The following RGS7 variants were observed in gnomAD, a reference collection of about 807,000 sequenced individuals.
The protein encoded by RGS7 is regulator of G-protein signaling 7.
Under a neutral mutation model 81.1 loss-of-function variants are expected in RGS7, and 27 were observed. The ratio of observed to expected loss-of-function variants is 0.33; its 90% CI spans 0.25 to 0.46. The LOEUF is 0.46. Among genes scored for constraint, RGS7 ranks in the 20% least tolerant of loss-of-function variants. The pLI, the probability that RGS7 is intolerant of heterozygous loss-of-function variation, is 1.00. For missense variants in RGS7, 396 were observed against 607.4 expected, an observed-to-expected ratio of 0.65 and a Z score of 3.66; for synonymous variants, 208 against 207.7, an observed-to-expected ratio of 1.00 and a Z score of -0.01.
chr1:240,792,661 A>T (rs1686211698), intron 18 of RGS7, among the ~76,000 whole-genome samples: 1 of 152,072 alleles, frequency 6.6e-6, no homozygotes, highest in Non-Finnish European at 1.5e-5. Flanking sequence ...AAGAGAAGCT[A>T]TCATGATTTA....
intron 2 of RGS7, among the ~76,000 whole-genome samples, chr1:241,287,213 A>G (rs555607300): frequency 6.6e-6 from 1 of 152,272 alleles, no homozygotes; most frequent in East Asian, 1.9e-4. Context: ...TCATCAGTAG[A>G]GTTTATGACA....
At chr1:241,147,545 C>A (rs2068399242) in intron 2 of RGS7, among the ~76,000 whole-genome samples, 2 of 151,572 alleles carry the variant, frequency 1.3e-5, no homozygotes, top group Admixed American at 1.3e-4. Flanking sequence ...ATAGTTTTTC[C>A]TTCTCCATAT....
chr1:241,202,557 T>C (rs192023629), intron 2 of RGS7, among the ~76,000 whole-genome samples: 24 of 152,208 alleles, frequency 1.6e-4, no homozygotes, highest in African/African-American at 5.3e-4. Context: ...TGAAACACGA[T>C]TGGGCAAAAA....
In RGS7 at chr1:241,150,504, G is replaced by A. The variant is rs554681125; in HGVS notation, c.79-51742C>T. 1.4e-4 allele frequency among the ~76,000 whole-genome samples: 21 copies of A among 152,288 alleles called. No individual in the cohort carries two copies. The South Asian group carries it at 4.4e-3, about 32-fold the overall frequency. ...ATATGTATATTAAGGGTTCAAAATG[G>A]TAGGATTAGAAATTAAAATAAGGCT... is the stretch of plus-strand genomic sequence containing the variant. On this transcript the variant is annotated intron_variant, in intron 2 of 18. Coordinates refer to ENST00000440928, the MANE Select transcript of RGS7 (RefSeq NM_001364886.1).
At chr1:240,990,795 A>G (rs1686342596) in intron 3 of RGS7, among the ~76,000 whole-genome samples, 6 of 152,230 alleles carry the variant, frequency 3.9e-5, no homozygotes, top group Admixed American at 3.9e-4. Context: ...ATCAAAACAG[A>G]TATGTTTCCT....
At chr1:241,267,398 C>T (rs1415369409) in intron 2 of RGS7, among the ~76,000 whole-genome samples, 2 of 152,202 alleles carry the variant, frequency 1.3e-5, no homozygotes, top group Non-Finnish European at 2.9e-5. Flanking sequence ...GAGCCCATTC[C>T]TATTTCCAGT....
intron 4 of RGS7, among the ~76,000 whole-genome samples, chr1:240,981,211 G>C (rs942097079): frequency 2.6e-5 from 4 of 152,076 alleles, no homozygotes; most frequent in African/African-American, 9.7e-5. Flanking sequence ...CTGGGTTCAA[G>C]TGATTCTTCT....
chr1:240,927,754 G>A (rs954858304), intron 6 of RGS7, among the ~76,000 whole-genome samples: 7 of 152,016 alleles, frequency 4.6e-5, no homozygotes, highest in Admixed American at 3.9e-4. Context: ...TATAATTCAG[G>A]CAAGCTAAGC....
Position 241,345,889 on chromosome 1 carries a change from G to A in RGS7, c.78+9810C>T, listed in dbSNP as rs139811510. On this transcript the variant is annotated intron_variant, in intron 2 of 18. Transcript: ENST00000440928. ...AAATAAGCCAGGCATGGTGGTGCGC[G>A]CCTGTAACCCCAGCTACTCGGGAGG... 6.0e-4 allele frequency among the ~76,000 whole-genome samples: 88 copies of A among 147,404 alleles called. No homozygotes were observed. In the East Asian group the frequency reaches 0.013, roughly 21 times the overall value.
intron 3 of RGS7, among the ~76,000 whole-genome samples, chr1:241,011,734 C>T (rs930474774): frequency 6.6e-6 from 1 of 152,108 alleles, no homozygotes; most frequent in Admixed American, 6.6e-5. Flanking sequence ...ACCTTGAGAA[C>T]AGAAGCATTC....
At chr1:241,111,593 T>C (rs1241842563) in intron 2 of RGS7, among the ~76,000 whole-genome samples, 1 of 151,240 alleles carries the variant, frequency 6.6e-6, no homozygotes, top group Admixed American at 6.6e-5. Context: ...CTGGACAACA[T>C]AGCAAGACCC....
intron 2 of RGS7, among the ~76,000 whole-genome samples, chr1:241,294,836 C>A (rs1405644407): frequency 6.6e-6 from 1 of 151,856 alleles, no homozygotes; most frequent in African/African-American, 2.4e-5. Context: ...GCAGGCTATA[C>A]CATAAAGTCC....
At chr1:240,964,307 C>T (rs1357313435) in intron 4 of RGS7, among the ~76,000 whole-genome samples, 1 of 152,080 alleles carries the variant, frequency 6.6e-6, no homozygotes, top group East Asian at 1.9e-4. Context: ...GAGATCGATC[C>T]GATTACAGAA....
At chr1:241,290,588 GAAT>G (rs1222807666) in intron 2 of RGS7, among the ~76,000 whole-genome samples, 8 of 152,126 alleles carry the variant, frequency 5.3e-5, no homozygotes, top group African/African-American at 1.9e-4. Context: ...AACTCGCCTA[GAAT>G]AATAAATGAT....
At chr1:241,028,859 C>T (rs916848242) in intron 3 of RGS7, among the ~76,000 whole-genome samples, 4 of 152,112 alleles carry the variant, frequency 2.6e-5, no homozygotes, top group African/African-American at 7.2e-5. Flanking sequence ...GCGACGATGA[C>T]TACCAAGGCC....
intron 3 of RGS7, among the ~76,000 whole-genome samples, chr1:241,009,306 TG>T (rs1441843804): frequency 2.0e-5 from 3 of 152,228 alleles, no homozygotes; most frequent in South Asian, 2.1e-4. Context: ...GTTTTCTGCC[TG>T]TATAAGCAAG....
chr1:241,200,393 C>T (rs1226274195), intron 2 of RGS7, among the ~76,000 whole-genome samples: 2 of 152,068 alleles, frequency 1.3e-5, no homozygotes, highest in Non-Finnish European at 2.9e-5. Context: ...CTAAACACGT[C>T]CATGTAACCA....
At chr1:240,874,661 G>C (rs1312744958) in intron 6 of RGS7, among the ~76,000 whole-genome samples, 1 of 152,084 alleles carries the variant, frequency 6.6e-6, no homozygotes, top group Non-Finnish European at 1.5e-5. Flanking sequence ...TTTAATATAG[G>C]TTATACGCTT....
intron 2 of RGS7, among the ~76,000 whole-genome samples, chr1:241,237,050 A>G (rs1398285441): frequency 2.0e-5 from 3 of 152,248 alleles, no homozygotes; most frequent in Non-Finnish European, 4.4e-5. Flanking sequence ...TTAATTGCAC[A>G]GACAAATGCT....
Sources: allele counts gnomAD v4.1 joint callset (sites outside exome capture counted in the v4.1 genomes callset), GRCh38; gene constraint gnomAD v4.1.1; transcripts MANE v1.5; gene names NCBI Gene and HGNC (gene_info 2026-07-23, HGNC 2026-07-21).